FYB2: variants seen among roughly 807,000 people sequenced by gnomAD.
The protein encoded by FYB2 is FYN-binding protein 2.
A neutral mutation model predicts 94.1 loss-of-function variants in FYB2; 103 were observed. The observed-to-expected ratio is 1.09, with a 90% CI of 0.93 to 1.29. The LOEUF (loss-of-function observed/expected upper bound fraction) is 1.29, where lower values mean the gene tolerates loss of function less well. Among genes scored for constraint, FYB2 ranks in the 50% most tolerant of loss-of-function variants. FYB2 has a pLI of 0.00. For missense variants in FYB2, 896 were observed against 841.5 expected, an observed-to-expected ratio of 1.06 and a Z score of -0.80; for synonymous variants, 293 against 287.9, an observed-to-expected ratio of 1.02 and a Z score of -0.18.
chr1:56,740,043 G>T (rs1644915768), intron 13 of FYB2, among the ~76,000 whole-genome samples: 1 of 151,984 alleles, frequency 6.6e-6, no homozygotes. Context: ...GGAATGCTGT[G>T]GGTGTATAAA....
At chr1:56,730,372 GA>G (rs1378951065) in intron 15 of FYB2, among the ~76,000 whole-genome samples, 2 of 107,366 alleles carry the variant, frequency 1.9e-5, no homozygotes, top group Non-Finnish European at 3.8e-5. Flanking sequence ...AACGGGAGGA[GA>G]GGGGGAAAGG....
upstream of FYB2, chr1:56,824,381 C>G (rs1032070717): frequency 2.0e-5 from 3 of 152,164 alleles, no homozygotes; most frequent in African/African-American, 7.2e-5. Context: ...CTCTCTGGCT[C>G]TTTCATAAGG....
chr1:56,747,207 G>A (rs942769874), intron 9 of FYB2, among the ~76,000 whole-genome samples: 3 of 151,384 alleles, frequency 2.0e-5, no homozygotes, highest in African/African-American at 7.3e-5. Flanking sequence ...TGTAAATAAT[G>A]GAAATATCTT....
At chr1:56,750,427 G>C (rs754825246) in intron 9 of FYB2, among the ~76,000 whole-genome samples, 1 of 151,960 alleles carries the variant, frequency 6.6e-6, no homozygotes, top group East Asian at 1.9e-4. Flanking sequence ...AGTGGAAAAA[G>C]TGATACCAAG....
At chr1:56,781,702 T>A (rs193030910) in intron 4 of FYB2, among the ~76,000 whole-genome samples, 1 of 152,158 alleles carries the variant, frequency 6.6e-6, no homozygotes, top group East Asian at 1.9e-4. Context: ...TCAGCTCATG[T>A]CACTTCCTGG....
At chr1:56,822,220 C>A (rs1321916004), upstream of FYB2, among the ~76,000 whole-genome samples, 1 of 152,188 alleles carries the variant, frequency 6.6e-6, no homozygotes, top group Non-Finnish European at 1.5e-5. Flanking sequence ...TAAGTCTCCT[C>A]TTCAGGTAAC....
intron 9 of FYB2, among the ~76,000 whole-genome samples, chr1:56,745,643 CG>C (rs1645050968): frequency 6.6e-6 from 1 of 152,002 alleles, no homozygotes; most frequent in Admixed American, 6.6e-5. Flanking sequence ...ACCTCCTAAC[CG>C]GTCTCCCCGA....
intron 1 of FYB2, among the ~76,000 whole-genome samples, chr1:56,807,773 T>C (rs1646680105): frequency 6.6e-6 from 1 of 152,220 alleles, no homozygotes; most frequent in Non-Finnish European, 1.5e-5. Context: ...GGCTTAGGGA[T>C]TGAAAACTAT....
At chr1:56,766,075 A>C (rs1645615285) in intron 5 of FYB2, among the ~76,000 whole-genome samples, 1 of 152,166 alleles carries the variant, frequency 6.6e-6, no homozygotes, top group Non-Finnish European at 1.5e-5. Flanking sequence ...ACGTGGCCCA[A>C]ATGGTGCCCA....
At chr1:56,790,575 C>T (rs538026401) in intron 2 of FYB2, among the ~76,000 whole-genome samples, 5 of 152,250 alleles carry the variant, frequency 3.3e-5, no homozygotes, top group South Asian at 4.1e-4. Flanking sequence ...TTTCTTCTTC[C>T]TCATCCCTTC....
intron 5 of FYB2, among the ~76,000 whole-genome samples, chr1:56,765,872 A>C (rs1203613658): frequency 6.6e-6 from 1 of 152,136 alleles, no homozygotes; most frequent in Non-Finnish European, 1.5e-5. Flanking sequence ...TGTACTTAGC[A>C]GGAGCAATAG....
chr1:56,810,948 A>C (rs1390081383), intron 1 of FYB2, among the ~76,000 whole-genome samples: 1 of 152,126 alleles, frequency 6.6e-6, no homozygotes, highest in Non-Finnish European at 1.5e-5. Context: ...TTTTATTATC[A>C]ATATCTGTTT....
intron 2 of FYB2, 95 bp downstream of exon 2, chr1:56,791,961 T>A (rs1173432296): frequency 5.4e-6 from 8 of 1,478,348 alleles, no homozygotes; most frequent in Non-Finnish European, 7.2e-6. Context: ...ATTTCCCAGG[T>A]CATATACATA....
At chr1:56,798,122 T>G (rs1309768847) in intron 1 of FYB2, among the ~76,000 whole-genome samples, 1 of 152,184 alleles carries the variant, frequency 6.6e-6, no homozygotes, top group East Asian at 1.9e-4. Context: ...TGAATAGATA[T>G]TTAGAAAAGT....
rs778313010 is a variant in FYB2 at position 56,720,292 on chromosome 1, G to T, written c.2012C>A (p.Ala671Asp). 1.2e-5 allele frequency: 19 copies of T among 1,611,374 alleles called. No homozygotes were observed. In the African/African-American group the frequency reaches 2.5e-4, roughly 22 times the overall value. Residue 671 changes from alanine (A) to aspartate (D), a missense_variant, in exon 18 of 20, where the codon GCC becomes GAC. By Grantham distance (126) the Ala-to-Asp change is moderately radical (BLOSUM62 -2). Transcript: ENST00000343433. ...TCCATTTCTTGAATTATTGGAACAG[G>T]CCACTGCTGTATTGATGACAATAAT... ...KEIIVINTAV[A>D]CSNNSRNGIF...
chr1:56,803,008 A>G (rs755233599), intron 1 of FYB2, among the ~76,000 whole-genome samples: 6 of 152,178 alleles, frequency 3.9e-5, no homozygotes, highest in South Asian at 2.1e-4. Flanking sequence ...CCCAGTCTTC[A>G]TGTCTTCCTC....
At chr1:56,810,249 A>G (rs1209964358) in intron 1 of FYB2, among the ~76,000 whole-genome samples, 1 of 152,190 alleles carries the variant, frequency 6.6e-6, no homozygotes, top group Non-Finnish European at 1.5e-5. Context: ...TTCCAGTAAT[A>G]GAAATGCTCC....
chr1:56,784,546 T>C (rs775831789), intron 4 of FYB2, among the ~76,000 whole-genome samples: 1 of 152,220 alleles, frequency 6.6e-6, no homozygotes, highest in Non-Finnish European at 1.5e-5. Context: ...CACTTATCAT[T>C]GGCAAGATAA....
At chr1:56,807,474 T>A (rs1646674090) in intron 1 of FYB2, among the ~76,000 whole-genome samples, 1 of 152,314 alleles carries the variant, frequency 6.6e-6, no homozygotes, top group Non-Finnish European at 1.5e-5. Context: ...CCTGTCTGGT[T>A]TTCTGTCTAT....
Sources: gnomAD v4.1 joint callset for allele counts (sites outside exome capture counted in the v4.1 genomes callset) on GRCh38, gnomAD v4.1.1 for gene constraint, MANE v1.5 for transcripts, NCBI Gene and HGNC (gene_info 2026-07-23, HGNC 2026-07-21) for gene names.